The following LRRC8D variants were observed in gnomAD, a reference collection of about 807,000 sequenced individuals.
The protein encoded by LRRC8D is volume-regulated anion channel subunit LRRC8D.
LRRC8D carries 20 observed loss-of-function variants against 55.8 expected under a neutral mutation model. The observed-to-expected ratio is 0.36, with a 90% CI of 0.25 to 0.52. LRRC8D has a LOEUF of 0.52. Among genes scored for constraint, LRRC8D ranks in the 20% least tolerant of loss-of-function variants. LRRC8D has a pLI of 0.93. For synonymous variants in LRRC8D, 352 were observed against 377.0 expected (o/e 0.93, Z 0.77); for missense variants, 651 against 1,030.8 (o/e 0.63, Z 5.05).
chr1:89,900,526 C>A lies in LRRC8D; in HGVS notation c.-2-32541C>A, dbSNP rs114253097. Among the ~76,000 whole-genome samples the A allele has an allele frequency of 2.6e-3, 387 of 150,238 alleles. 1 individual carries two copies. The highest frequency in any genetic ancestry group is 9.2e-3 in the African/African-American group (367 of 39,852). On this transcript the variant is annotated intron_variant, in intron 2 of 2. Transcript: ENST00000337338. ...TTTATGTCCATCATAAAAAAAAAAA[C>A]TGACTAAAAATAAATCTTAGTTCAG...
intron 2 of LRRC8D, among the ~76,000 whole-genome samples, chr1:89,859,615 G>A (rs1335050352): frequency 6.6e-6 from 1 of 152,132 alleles, no homozygotes; most frequent in Non-Finnish European, 1.5e-5. Context: ...AGGACATAAA[G>A]TATAATAGGT....
chr1:89,854,255 A>G (rs1005270083), intron 2 of LRRC8D, among the ~76,000 whole-genome samples: 5 of 152,194 alleles, frequency 3.3e-5, no homozygotes, highest in Non-Finnish European at 7.3e-5. Flanking sequence ...GGCCTTGAGG[A>G]GACAGCTGGA....
At chr1:89,886,494 T>C (rs1662422984) in intron 2 of LRRC8D, among the ~76,000 whole-genome samples, 1 of 152,210 alleles carries the variant, frequency 6.6e-6, no homozygotes, top group East Asian at 1.9e-4. Context: ...AAGAGGCTGC[T>C]TCTCTCTTTC....
intron 2 of LRRC8D, among the ~76,000 whole-genome samples, chr1:89,892,283 T>A (rs1662596756): frequency 1.3e-5 from 2 of 152,356 alleles, no homozygotes; most frequent in South Asian, 4.1e-4. Flanking sequence ...AAATATCATC[T>A]TGTTTGTTTT....
chr1:89,915,217 G>A (rs1391114000), intron 2 of LRRC8D, among the ~76,000 whole-genome samples: 1 of 152,146 alleles, frequency 6.6e-6, no homozygotes, highest in Non-Finnish European at 1.5e-5. Context: ...ACCTAACAGA[G>A]TGTAGCGTTT....
intron 2 of LRRC8D, among the ~76,000 whole-genome samples, chr1:89,907,226 C>T (rs910498103): frequency 7.9e-6 from 1 of 126,180 alleles, no homozygotes; most frequent in African/African-American, 3.0e-5. Context: ...GAGTCTCACT[C>T]AGTTGCCCAG....
Position 89,935,691 on chromosome 1 carries a change from A to C in LRRC8D, c.*46A>C. ...GTGATGTGCAGGAACAACTTCCTAG[A>C]TTGCAAGTGCTCACGTACAAGTTAT... is the stretch of plus-strand genomic sequence containing the variant. On this transcript the variant is annotated 3_prime_UTR_variant, in exon 3 of 3. Transcript: ENST00000337338. 6.5e-7 allele frequency: 1 copy of C among 1,544,320 alleles called. No individual in the cohort carries two copies. The highest frequency in any genetic ancestry group is 1.7e-4 in the Middle Eastern group (1 of 5,760).
rs750863887 is a variant in LRRC8D at position 89,935,079 on chromosome 1, C to T, written c.2011C>T (p.Arg671Cys). 70 of 1,614,038 alleles carry T rather than the reference C, an allele frequency of 4.3e-5. No homozygotes were observed. Among genetic ancestry groups the T allele is most frequent in the Non-Finnish European group, 5.3e-5 (62 of 1,179,998 alleles). ...QELDLKSNNI[R>C]TIEEIISFQH... ...ACTGGATTTAAAGTCCAATAACATT[C>T]GCACAATTGAGGAAATCATCAGTTT... The change falls in exon 3 of 3, where the codon CGC becomes TGC. Residue 671 changes from arginine to cysteine, a missense_variant. This residue lies in a region of LRRC8D where 338 missense variants were observed against 479.4 expected (regional missense o/e 0.71). Coordinates refer to ENST00000337338, the MANE Select transcript of LRRC8D (RefSeq NM_001134479.2).
intron 1 of LRRC8D, among the ~76,000 whole-genome samples, chr1:89,828,515 T>G (rs943084516): frequency 1.3e-5 from 2 of 152,264 alleles, no homozygotes; most frequent in African/African-American, 4.8e-5. Context: ...GAAGGTTGGC[T>G]TGTTTTTTCA....
At chr1:89,883,404 G>T (rs564127389) in intron 2 of LRRC8D, among the ~76,000 whole-genome samples, 1 of 152,224 alleles carries the variant, frequency 6.6e-6, no homozygotes, top group Non-Finnish European at 1.5e-5. Context: ...TGAGAATGGG[G>T]GATATCCAAG....
At chr1:89,846,026 G>A (rs903201850) in intron 2 of LRRC8D, among the ~76,000 whole-genome samples, 2 of 151,974 alleles carry the variant, frequency 1.3e-5, no homozygotes, top group Non-Finnish European at 2.9e-5. Context: ...TGATCCACCC[G>A]CCTCGGCCTC....
At chr1:89,922,257 G>A (rs1213381049) in intron 2 of LRRC8D, among the ~76,000 whole-genome samples, 1 of 151,856 alleles carries the variant, frequency 6.6e-6, no homozygotes, top group African/African-American at 2.4e-5. Context: ...TAGAGACCGG[G>A]TTTCATCATG....
chr1:89,928,886 T>C (rs1299369454), intron 2 of LRRC8D, among the ~76,000 whole-genome samples: 1 of 152,200 alleles, frequency 6.6e-6, no homozygotes, highest in East Asian at 1.9e-4. Context: ...GGGACCTGGC[T>C]TAGAGTGTTC....
Position 89,934,508 on chromosome 1 carries a change from G to A in LRRC8D, c.1440G>A (p.Ser480=), listed in dbSNP as rs749461331. 1.7e-5 allele frequency: 28 copies of A among 1,613,992 alleles called. No homozygotes were observed. The Middle Eastern group carries it at 1.2e-3, about 66-fold the overall frequency. ...DKQELHLFML[S]GVPDAVFDLT... is the part of the protein sequence containing the mutation. ...AGGAGTTGCATCTGTTCATGCTGTC[G>A]GGGGTGCCCGATGCTGTCTTTGACC... Residue 480 remains serine, a synonymous_variant, in exon 3 of 3, where the codon TCG becomes TCA. Coordinates refer to ENST00000337338, the MANE Select transcript of LRRC8D (RefSeq NM_001134479.2). This position sits in a 1 kb window ranked among gnomAD's most constrained non-coding sequence, Gnocchi z 5.9.
intron 2 of LRRC8D, among the ~76,000 whole-genome samples, chr1:89,894,846 A>G (rs755845336): frequency 6.6e-6 from 1 of 152,222 alleles, no homozygotes; most frequent in Non-Finnish European, 1.5e-5. Flanking sequence ...GGTGAGTACA[A>G]TATTGGCTGA....
intron 2 of LRRC8D, among the ~76,000 whole-genome samples, chr1:89,903,014 C>T (rs894630895): frequency 1.3e-5 from 2 of 152,208 alleles, no homozygotes; most frequent in African/African-American, 4.8e-5. Flanking sequence ...CATGTATGGG[C>T]TCACTAAATC....
intron 2 of LRRC8D, among the ~76,000 whole-genome samples, chr1:89,909,216 T>C (rs1663071447): frequency 6.6e-6 from 1 of 152,174 alleles, no homozygotes. Context: ...CTGTAATTTA[T>C]ATCTGTGGTA....
chr1:89,901,088 A>G (rs984927280), intron 2 of LRRC8D, among the ~76,000 whole-genome samples: 1 of 152,176 alleles, frequency 6.6e-6, no homozygotes, highest in Non-Finnish European at 1.5e-5. Context: ...CTATCAGAAG[A>G]CCAAATGGCT....
intron 2 of LRRC8D, among the ~76,000 whole-genome samples, chr1:89,892,668 G>T (rs1468419097): frequency 6.6e-6 from 1 of 152,100 alleles, no homozygotes; most frequent in Admixed American, 6.5e-5. Flanking sequence ...ATAGGCGCCC[G>T]CCAACACGCC....
Sources: gnomAD v4.1 joint callset for allele counts (sites outside exome capture counted in the v4.1 genomes callset) on GRCh38, gnomAD v4.1.1 for gene constraint, gnomAD v4.1.1 regional missense constraint, Gnocchi (gnomAD v3.1) non-coding constraint, MANE v1.5 for transcripts, NCBI Gene and HGNC (gene_info 2026-07-23, HGNC 2026-07-21) for gene names.